The following DCC variants were observed in gnomAD, a reference collection of about 807,000 sequenced individuals.
DCC encodes netrin receptor DCC.
A neutral mutation model predicts 172.5 loss-of-function variants in DCC; 58 were observed. That is an observed-to-expected ratio of 0.34 (90% CI 0.27 to 0.42). The LOEUF (loss-of-function observed/expected upper bound fraction) is 0.42. Ranked by LOEUF, DCC falls within the 10% of genes least tolerant of loss-of-function variation. The probability of loss-of-function intolerance (pLI) is 1.00; values close to 1 mark genes in which losing one functional copy is unlikely to be tolerated. For synonymous variants in DCC, 709 were observed against 644.5 expected (o/e 1.10, Z -1.52); for missense variants, 1,740 against 1,791.0 (o/e 0.97, Z 0.51).
At chr18:52,356,486 A>C (rs1598857748) in intron 1 of DCC, among the ~76,000 whole-genome samples, 1 of 152,146 alleles carries the variant, frequency 6.6e-6, no homozygotes, top group Admixed American at 6.5e-5. Flanking sequence ...CCAGCTCAAA[A>C]TTTGCAACTT....
chr18:53,157,299 C>G (rs1167303931), intron 7 of DCC, 57 bp from the exon 8 acceptor site: 14 of 1,611,288 alleles, frequency 8.7e-6, no homozygotes, highest in Admixed American at 1.7e-5. Flanking sequence ...TGCCTTCCTA[C>G]CCAATTCTTA....
intron 1 of DCC, among the ~76,000 whole-genome samples, chr18:52,518,528 A>G (rs1189272538): frequency 6.6e-6 from 1 of 152,226 alleles, no homozygotes; most frequent in Non-Finnish European, 1.5e-5. Context: ...GAAGGTAGTC[A>G]TAGAATAACA....
At position 53,097,786 on chromosome 18, in the gene DCC, G is replaced by C. The variant is rs143707689; in HGVS notation, c.1261+31620G>C. Among the ~76,000 whole-genome samples, 3 of 152,160 alleles carry C rather than the reference G, an allele frequency of 2.0e-5. No homozygotes were observed. The South Asian group carries it at 6.2e-4, about 32-fold the overall frequency. The stretch of plus-strand genomic sequence containing the variant: ...AAGGCCACCTTCTTACTGTGTCTTC[G>C]CATGACTTTCTTTTGTTTGCATACT... On this transcript the variant is annotated intron_variant, in intron 7 of 28. Coordinates refer to ENST00000442544, the MANE Select transcript of DCC (RefSeq NM_005215.4).
intron 26 of DCC, among the ~76,000 whole-genome samples, chr18:53,496,908 AAGT>A (rs34970199): frequency 0.076 from 11,539 of 152,256 alleles, 689 homozygotes; most frequent in Admixed American, 0.18. Flanking sequence ...AATGCAGAAA[AAGT>A]AGAAAAGGAA....
In DCC at chr18:52,773,641, G is replaced by A. The variant is rs146877775; in HGVS notation, c.412+21267G>A. Among the ~76,000 whole-genome samples the A allele has an allele frequency of 1.5e-3, 227 of 152,032 alleles. 2 individuals carry two copies. Among genetic ancestry groups the A allele is most frequent in the Admixed American group, 3.9e-4 (6 of 15,262 alleles). On this transcript the variant is annotated intron_variant, in intron 2 of 28. Transcript: ENST00000442544. ...TCCTGGGTTCAAGCAATTCTCCTGC[G>A]TCAGCCTCCTGAGTAGCTAGGATTA...
At chr18:53,131,944 C>A (rs1308862811) in intron 7 of DCC, among the ~76,000 whole-genome samples, 1 of 112,856 alleles carries the variant, frequency 8.9e-6, no homozygotes, top group Non-Finnish European at 1.7e-5. Flanking sequence ...GTATCATTGT[C>A]TCTAAGTGAT....
intron 1 of DCC, among the ~76,000 whole-genome samples, chr18:52,355,875 G>C (rs1451347273): frequency 6.6e-6 from 1 of 152,140 alleles, no homozygotes; most frequent in Non-Finnish European, 1.5e-5. Context: ...GAGTCTGGTA[G>C]GTAGGGTAAT....
At chr18:53,182,376 A>G (rs552769049) in intron 9 of DCC, among the ~76,000 whole-genome samples, 2 of 152,188 alleles carry the variant, frequency 1.3e-5, no homozygotes. Flanking sequence ...TTTGCAGATC[A>G]TTGTTTATTT....
chr18:53,310,344 T>C (rs145199918), intron 13 of DCC, among the ~76,000 whole-genome samples: 1 of 152,280 alleles, frequency 6.6e-6, no homozygotes, highest in Non-Finnish European at 1.5e-5. Context: ...ATAAGATACA[T>C]GGATTTATTG....
intron 12 of DCC, among the ~76,000 whole-genome samples, chr18:53,258,470 C>T (rs1347796306): frequency 1.3e-5 from 2 of 151,994 alleles, no homozygotes; most frequent in African/African-American, 4.8e-5. Flanking sequence ...TCGTTATGTA[C>T]CCAGTAGTCA....
chr18:52,824,674 A>T (rs1055888046), intron 2 of DCC, among the ~76,000 whole-genome samples: 2 of 152,130 alleles, frequency 1.3e-5, no homozygotes, highest in Non-Finnish European at 1.5e-5. Context: ...GTGGAAGATT[A>T]AAAATATTAG....
chr18:53,112,616 C>T (rs762634613), intron 7 of DCC, among the ~76,000 whole-genome samples: 11 of 151,458 alleles, frequency 7.3e-5, no homozygotes, highest in Non-Finnish European at 1.6e-4. Context: ...TTCAGCTGCC[C>T]TCAGATAAGC....
chr18:52,440,943 TC>T (rs1987952552), intron 1 of DCC, among the ~76,000 whole-genome samples: 2 of 152,208 alleles, frequency 1.3e-5, no homozygotes, highest in Admixed American at 1.3e-4. Context: ...GCAATGGAAA[TC>T]TACTTTGAAT....
At chr18:52,908,030 T>C (rs996229579) in intron 3 of DCC, among the ~76,000 whole-genome samples, 1 of 152,210 alleles carries the variant, frequency 6.6e-6, no homozygotes, top group African/African-American at 2.4e-5. Context: ...CTTGTAAGAC[T>C]GACTTAGACG....
intron 2 of DCC, among the ~76,000 whole-genome samples, chr18:52,901,803 T>A (rs920567836): frequency 1.3e-5 from 2 of 152,234 alleles, no homozygotes; most frequent in African/African-American, 4.8e-5. Flanking sequence ...CAATGTTTTG[T>A]ATCTTTTTTC....
chr18:52,812,329 C>T (rs1598828081), intron 2 of DCC, among the ~76,000 whole-genome samples: 1 of 151,610 alleles, frequency 6.6e-6, no homozygotes. Flanking sequence ...CTATGCCTTG[C>T]TTCTAAAAAT....
chr18:52,765,537 C>A (rs1426465297), intron 2 of DCC, among the ~76,000 whole-genome samples: 1 of 152,186 alleles, frequency 6.6e-6, no homozygotes, highest in Admixed American at 6.5e-5. Flanking sequence ...CTTTAACTGG[C>A]CCCCTAGACT....
At chr18:52,673,644 G>C (rs1317751475) in intron 1 of DCC, among the ~76,000 whole-genome samples, 2 of 152,140 alleles carry the variant, frequency 1.3e-5, no homozygotes, top group African/African-American at 4.8e-5. Flanking sequence ...CACCCTCAAA[G>C]AGGGGAGTAA....
At chr18:52,927,168 T>TGTATATATGTGTATATAC (rs1555682870) in intron 5 of DCC, among the ~76,000 whole-genome samples, 24,118 of 82,382 alleles carry the variant, frequency 0.29, 8,042 homozygotes, top group East Asian at 0.44. Context: ...CGTATATATG[T>TGTATATATGTGTATATAC]GTATATATGT....
Sources: allele counts gnomAD v4.1 joint callset (sites outside exome capture counted in the v4.1 genomes callset), GRCh38; gene constraint gnomAD v4.1.1; transcripts MANE v1.5; gene names NCBI Gene and HGNC (gene_info 2026-07-23, HGNC 2026-07-21).